GRM1: variants seen among roughly 807,000 people sequenced by gnomAD.
GRM1 encodes the protein metabotropic glutamate receptor 1.
In GRM1, 33 loss-of-function variants were observed where a neutral mutation model predicts 90.9. The observed-to-expected ratio is 0.36, with a 90% CI of 0.28 to 0.49. The LOEUF (loss-of-function observed/expected upper bound fraction) is 0.49, where lower values mean the gene tolerates loss of function less well. Ranked by LOEUF, GRM1 falls within the 20% of genes least tolerant of loss-of-function variation. The probability of loss-of-function intolerance (pLI) is 0.99; values close to 1 mark genes in which losing one functional copy is unlikely to be tolerated. For missense variants in GRM1, 1,190 were observed against 1,534.3 expected, an observed-to-expected ratio of 0.78 and a Z score of 3.75; for synonymous variants, 700 against 613.2, an observed-to-expected ratio of 1.14 and a Z score of -2.09.
chr6:146,033,174 C>G (rs1345316865), intron 1 of GRM1, among the ~76,000 whole-genome samples: 2 of 152,040 alleles, frequency 1.3e-5, no homozygotes, highest in African/African-American at 4.8e-5. Context: ...ATGAGCCTGT[C>G]AAGGGGGAGG....
At chr6:146,322,069 G>A (rs1784208793) in intron 3 of GRM1, among the ~76,000 whole-genome samples, 2 of 152,008 alleles carry the variant, frequency 1.3e-5, no homozygotes, top group Admixed American at 6.5e-5. Flanking sequence ...GGTGACCTTC[G>A]GATGTGGTTT....
At chr6:146,149,191 T>A (rs554270934) in intron 1 of GRM1, among the ~76,000 whole-genome samples, 1 of 152,280 alleles carries the variant, frequency 6.6e-6, no homozygotes, top group East Asian at 1.9e-4. Flanking sequence ...AGGCTGGATA[T>A]AGATAAATGT....
chr6:146,053,300 G>A (rs73782497), intron 1 of GRM1, among the ~76,000 whole-genome samples: 18 of 152,054 alleles, frequency 1.2e-4, no homozygotes, highest in African/African-American at 4.1e-4. Flanking sequence ...TGCCCAACAT[G>A]TCTCCAGAAC....
At chr6:146,154,360 G>C (rs1042824491) in intron 1 of GRM1, among the ~76,000 whole-genome samples, 2 of 152,186 alleles carry the variant, frequency 1.3e-5, no homozygotes, top group South Asian at 2.1e-4. Flanking sequence ...TTCCTTCCTC[G>C]CGCCCTCTTC....
chr6:146,176,242 A>T (rs958470386), intron 2 of GRM1, among the ~76,000 whole-genome samples: 5 of 152,058 alleles, frequency 3.3e-5, no homozygotes, highest in Admixed American at 6.5e-5. Context: ...GTCAGCAAGG[A>T]TCCTTTAACT....
At chr6:146,056,120 T>C (rs1775471925) in intron 1 of GRM1, among the ~76,000 whole-genome samples, 1 of 152,172 alleles carries the variant, frequency 6.6e-6, no homozygotes, top group South Asian at 2.1e-4. Flanking sequence ...ATGGGAAAGT[T>C]GACATGTTTG....
chr6:146,228,206 G>A (rs1264019749), intron 2 of GRM1, among the ~76,000 whole-genome samples: 3 of 152,070 alleles, frequency 2.0e-5, no homozygotes, highest in Non-Finnish European at 2.9e-5. Flanking sequence ...GTTTTCTTTC[G>A]CTGTAACAAA....
At chr6:146,081,061 C>A (rs1776349554) in intron 1 of GRM1, among the ~76,000 whole-genome samples, 1 of 152,106 alleles carries the variant, frequency 6.6e-6, no homozygotes, top group Non-Finnish European at 1.5e-5. Flanking sequence ...ATAGATGACC[C>A]AAGTCCAGGA....
intron 2 of GRM1, among the ~76,000 whole-genome samples, chr6:146,226,123 C>A (rs889381528): frequency 1.3e-5 from 2 of 152,226 alleles, no homozygotes; most frequent in South Asian, 4.1e-4. Flanking sequence ...TCATGATTGG[C>A]TAAGGGATAG....
At chr6:146,234,429 T>A (rs1440431355) in intron 2 of GRM1, among the ~76,000 whole-genome samples, 1 of 152,032 alleles carries the variant, frequency 6.6e-6, no homozygotes, top group Non-Finnish European at 1.5e-5. Context: ...TGGGATTGGG[T>A]TTTCAATGAT....
chr6:146,096,358 T>C (rs1464428536), intron 1 of GRM1, among the ~76,000 whole-genome samples: 1 of 152,088 alleles, frequency 6.6e-6, no homozygotes, highest in Non-Finnish European at 1.5e-5. Flanking sequence ...TTTCTGATGA[T>C]CCAATGGAGC....
intron 2 of GRM1, among the ~76,000 whole-genome samples, chr6:146,249,358 C>A (rs1163113643): frequency 6.6e-6 from 1 of 152,056 alleles, no homozygotes; most frequent in Non-Finnish European, 1.5e-5. Context: ...TGGGATGGGC[C>A]CATGACCCTG....
Position 146,434,210 on chromosome 6 carries a change from C to A in GRM1, c.2999C>A (p.Thr1000Asn), listed in dbSNP as rs953028341. The change falls in exon 8 of 8, where the codon ACC becomes AAC. Residue 1000 changes from threonine to asparagine, a missense_variant. Coordinates refer to ENST00000282753, the MANE Select transcript of GRM1 (RefSeq NM_001278064.2). Reference sequence around the variant, plus strand: ...CCGTCCCACCTGACCGCAGAGGAGACCCCCCTCTTCCTGGCCGAACCAGCC... The same window carrying A: ...CCGTCCCACCTGACCGCAGAGGAGAACCCCCTCTTCCTGGCCGAACCAGCC... Reference protein sequence around the residue: ...PLPSHLTAEETPLFLAEPALP... With the variant: ...PLPSHLTAEENPLFLAEPALP... 6.2e-7 allele frequency: 1 copy of A among 1,606,402 alleles called. No individual in the cohort carries two copies. The highest frequency in any genetic ancestry group is 8.5e-7 in the Non-Finnish European group (1 of 1,174,164).
At chr6:146,309,411 AC>A (rs1783701598) in intron 3 of GRM1, among the ~76,000 whole-genome samples, 3 of 152,030 alleles carry the variant, frequency 2.0e-5, no homozygotes, top group South Asian at 2.1e-4. Context: ...AAAAAAAAAA[AC>A]AGAACATTTT....
intron 2 of GRM1, among the ~76,000 whole-genome samples, chr6:146,277,596 A>G (rs937727217): frequency 6.6e-6 from 1 of 152,178 alleles, no homozygotes; most frequent in African/African-American, 2.4e-5. Flanking sequence ...AAGACTATCC[A>G]TGCAACTGCC....
At chr6:146,308,344 A>G (rs1783652525) in intron 3 of GRM1, among the ~76,000 whole-genome samples, 1 of 152,216 alleles carries the variant, frequency 6.6e-6, no homozygotes, top group South Asian at 2.1e-4. Flanking sequence ...AATAACACAA[A>G]TGAACTACTT....
chr6:146,241,894 T>C (rs1210121200), intron 2 of GRM1, among the ~76,000 whole-genome samples: 1 of 152,110 alleles, frequency 6.6e-6, no homozygotes, highest in South Asian at 2.1e-4. Flanking sequence ...TGTCCAGTGG[T>C]GAAGGTTTCT....
rs370883094 is a variant in GRM1 at position 146,304,851 on chromosome 6, C to A, written c.1186+5C>A. 2.6e-6 allele frequency: 4 copies of A among 1,565,778 alleles called. No homozygotes were observed. The highest frequency in any genetic ancestry group is 2.2e-5 in the East Asian group (1 of 44,656). ...ACTTTAAACGAATCTGCACAGGTAA[C>A]TCATGTTCACAAAATAACAACTCAG... On this transcript the variant is annotated splice_donor_5th_base_variant and intron_variant, in intron 3 of 7. Transcript: ENST00000282753.
intron 1 of GRM1, among the ~76,000 whole-genome samples, chr6:146,079,707 T>A (rs1388625258): frequency 6.6e-6 from 1 of 152,198 alleles, no homozygotes; most frequent in East Asian, 1.9e-4. Flanking sequence ...AAGCAGTCAA[T>A]GAAAGAGCCT....
Sources: gnomAD v4.1 joint callset for allele counts (sites outside exome capture counted in the v4.1 genomes callset) on GRCh38, gnomAD v4.1.1 for gene constraint, MANE v1.5 for transcripts, NCBI Gene and HGNC (gene_info 2026-07-23, HGNC 2026-07-21) for gene names.